ZCWPW2: variants seen among roughly 807,000 people sequenced by gnomAD.
ZCWPW2 encodes zinc finger CW-type PWWP domain protein 2.
A neutral mutation model predicts 46.6 loss-of-function variants in ZCWPW2; 45 were observed. The observed-to-expected ratio is 0.96, with a 90% confidence interval of 0.76 to 1.24. The LOEUF is 1.24. Ranked by LOEUF, ZCWPW2 falls within the 50% of genes most tolerant of loss-of-function variation. The pLI, the probability that ZCWPW2 is intolerant of heterozygous loss-of-function variation, is 0.00. For missense variants in ZCWPW2, 429 were observed against 403.9 expected (o/e 1.06, Z -0.53); for synonymous variants, 152 against 137.1 (o/e 1.11, Z -0.76).
chr3:28,370,027 G>T (rs1471095917), intron 1 of ZCWPW2, among the ~76,000 whole-genome samples: 1 of 152,228 alleles, frequency 6.6e-6, no homozygotes, highest in Non-Finnish European at 1.5e-5. Flanking sequence ...TAGGGTGGGA[G>T]TGACCTGATT....
At chr3:28,434,965 T>C in intron 3 of ZCWPW2, 145 bp from the exon 4 acceptor site, 1 of 837,108 alleles carries the variant, frequency 1.2e-6, no homozygotes, top group Admixed American at 3.4e-5. Context: ...ACAAATATCC[T>C]ACCTTTGAAA....
intron 2 of ZCWPW2, among the ~76,000 whole-genome samples, chr3:28,401,100 A>G (rs1332130338): frequency 4.6e-5 from 7 of 151,734 alleles, no homozygotes; most frequent in Non-Finnish European, 1.0e-4. Flanking sequence ...AATGGCGTGA[A>G]CCCGGGAGGC....
chr3:28,410,646 T>C (rs1696365456), intron 2 of ZCWPW2, among the ~76,000 whole-genome samples: 1 of 151,882 alleles, frequency 6.6e-6, no homozygotes, highest in Non-Finnish European at 1.5e-5. Context: ...AACTAAATAA[T>C]AAAGCAATAC....
intron 4 of ZCWPW2, among the ~76,000 whole-genome samples, chr3:28,448,226 T>C (rs1453851819): frequency 6.6e-6 from 1 of 152,090 alleles, no homozygotes; most frequent in Non-Finnish European, 1.5e-5. Flanking sequence ...AAATTAGAAC[T>C]AATAAGTGAA....
chr3:28,458,063 G>T (rs758423585), intron 4 of ZCWPW2, among the ~76,000 whole-genome samples: 14 of 152,148 alleles, frequency 9.2e-5, no homozygotes, highest in Middle Eastern at 3.4e-3. Flanking sequence ...TTATGATATG[G>T]GCTAAGGAAC....
intron 2 of ZCWPW2, among the ~76,000 whole-genome samples, chr3:28,404,239 A>C (rs1313557776): frequency 1.3e-5 from 2 of 152,212 alleles, no homozygotes; most frequent in East Asian, 3.8e-4. Context: ...CACAATTCTC[A>C]AAAGAGATAT....
intron 1 of ZCWPW2, among the ~76,000 whole-genome samples, chr3:28,369,176 A>G (rs989549503): frequency 6.6e-6 from 1 of 152,142 alleles, no homozygotes; most frequent in Non-Finnish European, 1.5e-5. Flanking sequence ...GTCATTCTCC[A>G]TCCAGCGTTG....
intron 4 of ZCWPW2, among the ~76,000 whole-genome samples, chr3:28,453,518 T>C (rs1225198697): frequency 6.6e-6 from 1 of 152,218 alleles, no homozygotes; most frequent in Non-Finnish European, 1.5e-5. Context: ...TCTAAGAAAT[T>C]GCAATATATA....
intron 4 of ZCWPW2, among the ~76,000 whole-genome samples, chr3:28,452,331 C>A (rs188812190): frequency 3.1e-3 from 468 of 152,254 alleles, no homozygotes; most frequent in Middle Eastern, 0.02. Flanking sequence ...GTCACCCAGG[C>A]TGGAGTGCAG....
chr3:28,483,749 A>G (rs996765149), intron 5 of ZCWPW2, among the ~76,000 whole-genome samples: 1 of 152,152 alleles, frequency 6.6e-6, no homozygotes, highest in Non-Finnish European at 1.5e-5. Context: ...TTGCCAATGT[A>G]AATTCTAATG....
chr3:28,490,263 T>C (rs1699760809), intron 5 of ZCWPW2, among the ~76,000 whole-genome samples: 1 of 152,164 alleles, frequency 6.6e-6, no homozygotes, highest in African/African-American at 2.4e-5. Flanking sequence ...AGTTTGGCAA[T>C]TTTTCAAAGA....
intron 1 of ZCWPW2, among the ~76,000 whole-genome samples, chr3:28,384,501 T>G (rs1441321712): frequency 6.6e-6 from 1 of 152,168 alleles, no homozygotes; most frequent in Non-Finnish European, 1.5e-5. Flanking sequence ...ACTGAAAATA[T>G]TTCATTCTGG....
chr3:28,407,144 T>G (rs999367198), intron 2 of ZCWPW2, among the ~76,000 whole-genome samples: 3 of 152,184 alleles, frequency 2.0e-5, no homozygotes, highest in Admixed American at 2.0e-4. Flanking sequence ...TCCTATGTGC[T>G]CCTTTGCTCC....
Position 28,462,053 on chromosome 3 carries a change from C to T in ZCWPW2, c.493-16761C>T, listed in dbSNP as rs569530318. 1.2e-3 allele frequency among the ~76,000 whole-genome samples: 176 copies of T among 152,192 alleles called. 1 individual carries two copies. Among genetic ancestry groups the T allele is most frequent in the African/African-American group, 3.9e-3 (163 of 41,522 alleles). On this transcript the variant is annotated intron_variant, in intron 4 of 9. Transcript: ENST00000383768. The stretch of plus-strand genomic sequence containing the variant: ...TCAGGCCCCTTACATTCTCATATGT[C>T]AGGGGAGTTTTCTGTTGTGGTGGTC...
At chr3:28,383,586 A>G (rs940965181) in intron 1 of ZCWPW2, among the ~76,000 whole-genome samples, 2 of 152,102 alleles carry the variant, frequency 1.3e-5, no homozygotes, top group African/African-American at 4.8e-5. Context: ...AGTAAAAAAA[A>G]AAATCTAGAA....
chr3:28,450,822 G>A (rs576925894), intron 4 of ZCWPW2, among the ~76,000 whole-genome samples: 2 of 152,270 alleles, frequency 1.3e-5, no homozygotes, highest in East Asian at 3.9e-4. Flanking sequence ...AAATGGAAAG[G>A]GAGCTTTGCC....
chr3:28,433,612 C>T (rs1697358175), intron 3 of ZCWPW2, among the ~76,000 whole-genome samples: 1 of 151,922 alleles, frequency 6.6e-6, no homozygotes, highest in Non-Finnish European at 1.5e-5. Context: ...ACTAATTAGC[C>T]AGGCATGGTG....
intron 4 of ZCWPW2, among the ~76,000 whole-genome samples, chr3:28,438,566 T>C (rs1697591958): frequency 6.6e-6 from 1 of 152,184 alleles, no homozygotes; most frequent in South Asian, 2.1e-4. Context: ...GGGAAGATGA[T>C]GAATCTGATT....
intron 1 of ZCWPW2, among the ~76,000 whole-genome samples, chr3:28,387,307 G>T (rs751405069): frequency 6.6e-6 from 1 of 151,916 alleles, no homozygotes; most frequent in African/African-American, 2.4e-5. Context: ...TTTCATGGAA[G>T]GATTCCCCAT....
Sources: allele counts gnomAD v4.1 joint callset (sites outside exome capture counted in the v4.1 genomes callset), GRCh38; gene constraint gnomAD v4.1.1; transcripts MANE v1.5; gene names NCBI Gene and HGNC (gene_info 2026-07-23, HGNC 2026-07-21).